MACROH2A2: variants seen among roughly 807,000 people sequenced by gnomAD.
MACROH2A2 encodes the protein macroH2A.2 histone.
MACROH2A2 carries 6 observed loss-of-function variants against 37.6 expected under a neutral mutation model. That is an observed-to-expected ratio of 0.16 (90% CI 0.09 to 0.32). The LOEUF (loss-of-function observed/expected upper bound fraction) is 0.32, where lower values mean the gene tolerates loss of function less well. MACROH2A2 is among the 10% of genes least tolerant of loss of function. The pLI, the probability that MACROH2A2 is intolerant of heterozygous loss-of-function variation, is 1.00. For missense variants in MACROH2A2, 290 were observed against 485.9 expected (o/e 0.60, Z 3.79); for synonymous variants, 192 against 202.7 (o/e 0.95, Z 0.45).
intron 3 of MACROH2A2, among the ~76,000 whole-genome samples, chr10:70,091,030 C>T (rs1171659258): frequency 2.0e-5 from 3 of 152,222 alleles, no homozygotes; most frequent in Non-Finnish European, 4.4e-5. Context: ...GCCAGACATA[C>T]TTTACTGATG....
chr10:70,069,562 G>T (rs1310502024), intron 1 of MACROH2A2, among the ~76,000 whole-genome samples: 2 of 152,004 alleles, frequency 1.3e-5, no homozygotes, highest in Non-Finnish European at 2.9e-5. Context: ...TTGCCCACAT[G>T]GTGTCTCTGA....
Position 70,100,249 on chromosome 10 carries a change from A to G in MACROH2A2, c.730A>G (p.Thr244Ala). The stretch of plus-strand genomic sequence containing the variant: ...GGCTGGGGGAAAAGAGTTCTTGGAA[A>G]CGGTAAAGGAGCTTCGCAAATCCCA... ...EKAGGKEFLE[T>A]VKELRKSQGP... Residue 244 changes from threonine to alanine, a missense_variant, in exon 7 of 9, where the codon ACG becomes GCG. By Grantham distance (58) the Thr-to-Ala change is moderately conservative. Coordinates refer to ENST00000373255, the MANE Select transcript of MACROH2A2 (RefSeq NM_018649.3). 1 of 1,612,056 alleles carries G rather than the reference A, an allele frequency of 6.2e-7. No individual in the cohort carries two copies. The highest frequency in any genetic ancestry group is 8.5e-7 in the Non-Finnish European group (1 of 1,178,364).
chr10:70,083,191 C>T (rs2072191364), intron 2 of MACROH2A2, among the ~76,000 whole-genome samples: 1 of 152,084 alleles, frequency 6.6e-6, no homozygotes, highest in South Asian at 2.1e-4. Context: ...TGGGGAGGCA[C>T]CTCCTCCAGC....
At chr10:70,106,696 G>A (rs1671598823) in intron 7 of MACROH2A2, among the ~76,000 whole-genome samples, 2 of 151,518 alleles carry the variant, frequency 1.3e-5, no homozygotes, top group African/African-American at 4.9e-5. Context: ...CACTTGGGAA[G>A]CTGAGGCAGG....
intron 1 of MACROH2A2, among the ~76,000 whole-genome samples, chr10:70,066,716 C>A (rs2072080937): frequency 6.6e-6 from 1 of 152,176 alleles, no homozygotes; most frequent in Non-Finnish European, 1.5e-5. Context: ...TGCCTACATG[C>A]TAAAATGTGT....
At chr10:70,089,952 A>C in intron 2 of MACROH2A2, 108 bp from the exon 3 acceptor site, 1 of 771,958 alleles carries the variant, frequency 1.3e-6, no homozygotes, top group Non-Finnish European at 2.3e-6. Context: ...CGAGACATAG[A>C]AATCACAAAT....
chr10:70,054,620 T>C (rs2072003047), intron 1 of MACROH2A2, among the ~76,000 whole-genome samples: 1 of 152,260 alleles, frequency 6.6e-6, no homozygotes, highest in Non-Finnish European at 1.5e-5. Context: ...TCTTCGTGTG[T>C]GTTGTTTTGA....
intron 8 of MACROH2A2, 110 bp downstream of exon 8, chr10:70,109,317 G>A (rs2072356420): frequency 2.8e-5 from 25 of 899,870 alleles, no homozygotes; most frequent in Non-Finnish European, 5.3e-6. Context: ...GCACAGCCAA[G>A]TATGCTGACC....
At chr10:70,106,557 G>A (rs1244951554) in intron 7 of MACROH2A2, among the ~76,000 whole-genome samples, 2 of 152,028 alleles carry the variant, frequency 1.3e-5, no homozygotes, top group Non-Finnish European at 2.9e-5. Context: ...AGCACTTTGG[G>A]AGGCCGAGGT....
At chr10:70,059,755 T>C (rs568411113) in intron 1 of MACROH2A2, among the ~76,000 whole-genome samples, 18 of 152,182 alleles carry the variant, frequency 1.2e-4, no homozygotes, top group Non-Finnish European at 2.1e-4. Context: ...ACAGCCAAAC[T>C]GGAGGCTCCC....
chr10:70,066,490 C>T (rs1281847852), intron 1 of MACROH2A2, among the ~76,000 whole-genome samples: 1 of 152,116 alleles, frequency 6.6e-6, no homozygotes, highest in Non-Finnish European at 1.5e-5. Flanking sequence ...AGGAAGACCG[C>T]TGGCTAAAAC....
intron 7 of MACROH2A2, among the ~76,000 whole-genome samples, chr10:70,106,141 G>A (rs2072336375): frequency 6.6e-6 from 1 of 152,164 alleles, no homozygotes; most frequent in Non-Finnish European, 1.5e-5. Context: ...CTTTTGCTGT[G>A]GTGACTCCCA....
At position 70,100,291 on chromosome 10, in the gene MACROH2A2, G is replaced by A. The variant is rs1404408204; in HGVS notation, c.772G>A (p.Ala258Thr). ...CAAATCCCAAGGCCCTTTGGAAGTC[G>A]CCGAAGGTAAGTGTGGAACTAGGCT... Reference protein sequence around the residue: ...LRKSQGPLEVAEAAVSQSSGL... With the variant: ...LRKSQGPLEVTEAAVSQSSGL... The change falls in exon 7 of 9, where the codon GCC becomes ACC. Residue 258 changes from alanine to threonine, a missense_variant. Physicochemically the swap from Ala to Thr is moderately conservative, Grantham distance 58. Transcript: ENST00000373255. 20 of 1,587,670 alleles carry A rather than the reference G, an allele frequency of 1.3e-5. No individual in the cohort carries two copies. Among genetic ancestry groups the A allele is most frequent in the Admixed American group, 1.7e-5 (1 of 59,600 alleles).
chr10:70,092,618 G>A (rs1298715581), intron 4 of MACROH2A2, among the ~76,000 whole-genome samples: 10 of 152,116 alleles, frequency 6.6e-5, no homozygotes, highest in Non-Finnish European at 1.0e-4. Flanking sequence ...GCTTGGTGCC[G>A]GAAGAAAATG....
Position 70,053,556 on chromosome 10 carries a change from G to C in MACROH2A2, c.-60+556G>C, listed in dbSNP as rs1211081345. On this transcript the variant is annotated intron_variant, in intron 1 of 8. Transcript: ENST00000373255. The surrounding 1 kb of genome is among the most constrained non-coding windows in gnomAD (Gnocchi z 4.8). Reference sequence around the variant, plus strand: ...GCGGAGCAGCCGGGCGGAGGTTAGGGACCCGAGTCCGGGGGCGGGCCGCGC... The same window carrying C: ...GCGGAGCAGCCGGGCGGAGGTTAGGCACCCGAGTCCGGGGGCGGGCCGCGC... Among the ~76,000 whole-genome samples the C allele has an allele frequency of 6.6e-6, 1 of 151,366 alleles. No individual in the cohort carries two copies. Among genetic ancestry groups the C allele is most frequent in the African/African-American group, 2.4e-5 (1 of 41,258 alleles).
chr10:70,066,140 A>G (rs1331677363), intron 1 of MACROH2A2, among the ~76,000 whole-genome samples: 3 of 152,048 alleles, frequency 2.0e-5, no homozygotes, highest in Non-Finnish European at 2.9e-5. Context: ...GGAGTTCAAG[A>G]CCAGCCTGGG....
chr10:70,111,405 A>G (rs2072373600), intron 8 of MACROH2A2, 113 bp from the exon 9 acceptor site: 10 of 898,692 alleles, frequency 1.1e-5, no homozygotes, highest in Non-Finnish European at 1.7e-5. Context: ...GAGATCATGC[A>G]TGGACTAGCC....
intron 1 of MACROH2A2, among the ~76,000 whole-genome samples, chr10:70,059,781 G>A (rs1396783599): frequency 3.9e-5 from 6 of 152,260 alleles, no homozygotes; most frequent in South Asian, 2.1e-4. Flanking sequence ...GTGGTCCACC[G>A]CACCTTCCAT....
At position 70,091,914 on chromosome 10, in the gene MACROH2A2, G is replaced by A; in HGVS notation, c.437G>A (p.Gly146Glu). The stretch of plus-strand genomic sequence containing the variant: ...AAGGCCACGTCAGGCAAGAAGGGGG[G>A]GAAGAAATCCAAGGCTGCCAAACCA... ...GRKATSGKKG[G>E]KKSKAAKPRT... Residue 146 changes from glycine to glutamate, a missense_variant, in exon 4 of 9, where the codon GGG (glycine) becomes GAG (glutamate). This residue lies in a region of MACROH2A2 where 77 missense variants were observed against 68.9 expected (regional missense o/e 1.12). Coordinates refer to ENST00000373255, the MANE Select transcript of MACROH2A2 (RefSeq NM_018649.3). 6.2e-7 allele frequency: 1 copy of A among 1,613,944 alleles called. No homozygotes were observed. Among genetic ancestry groups the A allele is most frequent in the Non-Finnish European group, 8.5e-7 (1 of 1,180,026 alleles).
Sources: allele counts gnomAD v4.1 joint callset (sites outside exome capture counted in the v4.1 genomes callset), GRCh38; gene constraint gnomAD v4.1.1; regional missense constraint gnomAD v4.1.1; non-coding constraint Gnocchi (gnomAD v3.1); transcripts MANE v1.5; gene names NCBI Gene and HGNC (gene_info 2026-07-23, HGNC 2026-07-21).